The following WBP2 variants were observed in gnomAD, a reference collection of about 807,000 sequenced individuals.
WBP2 encodes the protein WW domain binding protein 2.
A neutral mutation model predicts 33.0 loss-of-function variants in WBP2; 23 were observed. The observed-to-expected ratio is 0.70, with a 90% confidence interval of 0.50 to 0.99. The LOEUF is 0.99. Ranked by LOEUF, WBP2 falls within the 50% of genes least tolerant of loss-of-function variation. The probability of loss-of-function intolerance (pLI) is 0.00; values close to 1 mark genes in which losing one functional copy is unlikely to be tolerated. For synonymous variants in WBP2, 153 were observed against 133.5 expected (o/e 1.15, Z -1.01); for missense variants, 353 against 358.0 (o/e 0.99, Z 0.11).
chr17:75,847,869 A>G lies in WBP2; in HGVS notation c.459T>C (p.Tyr153=), dbSNP rs1244792154. The part of the protein sequence containing the change: ...YGYSYMPSGA[Y]VYPPPVANGM... ...CATTGGCGACTGGCGGGGGATAGAC[A>G]TAGGCCCCGCTGGGCATGTAAGAGT... The change falls in exon 5 of 8, where the codon TAT becomes TAC. Residue 153 remains tyrosine, a synonymous_variant. Transcript: ENST00000254806. 1 of 1,556,226 alleles carries G rather than the reference A, an allele frequency of 6.4e-7. No individual in the cohort carries two copies.
chr17:75,847,823 C>T lies in WBP2; in HGVS notation c.505G>A (p.Gly169Ser). The T allele has an allele frequency of 2.6e-6, 4 of 1,557,802 alleles. No homozygotes were observed. Among genetic ancestry groups the T allele is most frequent in the Non-Finnish European group, 3.5e-6 (4 of 1,150,456 alleles). Reference sequence around the variant, plus strand: ...GGTGGGGGCGGTGGATAGGGGTAGCCAGGAGGGCAGGGGTACATTCCATTG... The same window carrying T: ...GGTGGGGGCGGTGGATAGGGGTAGCTAGGAGGGCAGGGGTACATTCCATTG... ...VANGMYPCPP[G>S]YPYPPPPPEF... Residue 169 changes from glycine to serine, a missense_variant, in exon 5 of 8, where the codon GGC becomes AGC. By Grantham distance (56) the Gly-to-Ser change is moderately conservative. Transcript: ENST00000254806.
At chr17:75,854,947 G>A (rs1023655200) in intron 1 of WBP2, among the ~76,000 whole-genome samples, 1 of 152,120 alleles carries the variant, frequency 6.6e-6, no homozygotes, top group Non-Finnish European at 1.5e-5. Context: ...CCCAGCTACT[G>A]AAATCACAAG....
At chr17:75,853,084 G>C (rs937650632) in intron 1 of WBP2, among the ~76,000 whole-genome samples, 2 of 151,844 alleles carry the variant, frequency 1.3e-5, no homozygotes, top group African/African-American at 4.8e-5. Flanking sequence ...CACTCTTGTT[G>C]CCCAGGCTGC....
chr17:75,847,232 G>C (rs1488750920), intron 6 of WBP2: 3 of 684,844 alleles, frequency 4.4e-6, no homozygotes, highest in Non-Finnish European at 7.4e-6. Flanking sequence ...GACCAGCTGA[G>C]TGTAGATGAG....
Position 75,847,935 on chromosome 17 carries a change from G to C in WBP2, c.398-5C>G, listed in dbSNP as rs1200460727. On this transcript the variant is annotated splice_region_variant and splice_polypyrimidine_tract_variant and intron_variant, in intron 4 of 7. Coordinates refer to ENST00000254806, the MANE Select transcript of WBP2 (RefSeq NM_012478.4). ...TGGGGACTTCACCTCTGGAGGCTAC[G>C]AGTACAAGGGGAAAGAGAAATGAGC... is the stretch of plus-strand genomic sequence containing the variant. 6.4e-7 allele frequency: 1 copy of C among 1,563,506 alleles called. No homozygotes were observed. The highest frequency in any genetic ancestry group is 2.4e-5 in the East Asian group (1 of 41,516).
chr17:75,848,269 C>T lies in WBP2; in HGVS notation c.397+301G>A, dbSNP rs754484151. 27 of 580,758 alleles carry T rather than the reference C, an allele frequency of 4.6e-5. 1 individual carries two copies. In the Middle Eastern group the frequency reaches 2.7e-3, roughly 58 times the overall value. 36.0% of individuals were successfully genotyped at this position (580,758 alleles called of 1,614,324 possible). A position where few individuals can be genotyped will look rare whatever the true frequency, so the allele number is the denominator to read the frequency against. ...CGGTCATTTTCAATGGCTGCGGAAC[C>T]GCAGTCGAATGGTTGGTTTAGTGTT... On this transcript the variant is annotated intron_variant, in intron 4 of 7. Transcript: ENST00000254806.
Position 75,846,577 on chromosome 17 carries a change from G to A in WBP2, c.*157C>T. 1 of 984,440 alleles carries A rather than the reference G, an allele frequency of 1.0e-6. No homozygotes were observed. Among genetic ancestry groups the A allele is most frequent in the Non-Finnish European group, 1.6e-6 (1 of 640,594 alleles). The allele number at this position is 984,440 out of a possible 1,614,324, so 61.0% of individuals were successfully genotyped here. ...TGGGCGGCACCTCTCCCGAGGCCGG[G>A]GGCCCTAATGTCCCACAATGCTAGT... On this transcript the variant is annotated 3_prime_UTR_variant, in exon 8 of 8. Coordinates refer to ENST00000254806, the MANE Select transcript of WBP2 (RefSeq NM_012478.4). The surrounding 1 kb of genome is among the most constrained non-coding windows in gnomAD (Gnocchi z 4.8).
intron 1 of WBP2, 196 bp from the exon 2 acceptor site, chr17:75,851,872 C>A (rs1023145162): frequency 6.4e-5 from 26 of 404,862 alleles, no homozygotes; most frequent in Non-Finnish European, 1.1e-4. Flanking sequence ...GAGGCCGAGG[C>A]GAGCGGATGA....
At chr17:75,853,213 AT>A (rs903312538) in intron 1 of WBP2, among the ~76,000 whole-genome samples, 23 of 144,364 alleles carry the variant, frequency 1.6e-4, no homozygotes, top group African/African-American at 6.1e-4. Flanking sequence ...CGCCTGGCTA[AT>A]TTTTTGTGTT....
Position 75,849,464 on chromosome 17 carries a change from C to T in WBP2, c.304+140G>A, listed in dbSNP as rs577251695. The stretch of plus-strand genomic sequence containing the variant: ...CCACCTCTTGGCAATCAAACCCCAC[C>T]AGCTGGCAGCCCAGAGCTGGGAAGA... On this transcript the variant is annotated intron_variant, in intron 3 of 7. Coordinates refer to ENST00000254806, the MANE Select transcript of WBP2 (RefSeq NM_012478.4). The T allele has an allele frequency of 3.7e-6, 4 of 1,090,312 alleles. No homozygotes were observed. In the East Asian group the frequency reaches 7.3e-5, roughly 20 times the overall value. The allele number at this position is 1,090,312 out of a possible 1,614,324, so 67.5% of individuals were successfully genotyped here.
chr17:75,846,647 C>G lies in WBP2; in HGVS notation c.*87G>C, dbSNP rs968920843. On this transcript the variant is annotated 3_prime_UTR_variant, in exon 8 of 8. Transcript: ENST00000254806. The surrounding 1 kb of genome is among the most constrained non-coding windows in gnomAD (Gnocchi z 4.8). The stretch of plus-strand genomic sequence containing the variant: ...TCAGACCTGGAGGGAGAACAAGGCG[C>G]CCCCTCCCCTCCCCAAGCCCCAGCA... 1 of 1,429,858 alleles carries G rather than the reference C, an allele frequency of 7.0e-7. No individual in the cohort carries two copies. The highest frequency in any genetic ancestry group is 9.6e-7 in the Non-Finnish European group (1 of 1,046,254). 88.6% of individuals were successfully genotyped at this position (1,429,858 alleles called of 1,614,324 possible).
intron 1 of WBP2, among the ~76,000 whole-genome samples, chr17:75,854,248 G>A (rs2065044772): frequency 6.6e-6 from 1 of 152,044 alleles, no homozygotes; most frequent in Non-Finnish European, 1.5e-5. Flanking sequence ...CCTTAGCTGG[G>A]TACAGGGCTC....
chr17:75,854,656 G>A (rs1442426774), intron 1 of WBP2, among the ~76,000 whole-genome samples: 1 of 152,146 alleles, frequency 6.6e-6, no homozygotes, highest in African/African-American at 2.4e-5. Flanking sequence ...AACCTGAACA[G>A]TTCTGGAACA....
At chr17:75,848,013 C>T (rs1174989049) in intron 4 of WBP2, 83 bp from the exon 5 acceptor site, 13 of 1,516,476 alleles carry the variant, frequency 8.6e-6, no homozygotes, top group Non-Finnish European at 1.2e-5. Context: ...CAGATGGGAG[C>T]TACTGGGTCT....
chr17:75,847,803 G>T lies in WBP2; in HGVS notation c.525C>A (p.Pro175=). The T allele has an allele frequency of 6.4e-7, 1 of 1,557,280 alleles. No homozygotes were observed. Among genetic ancestry groups the T allele is most frequent in the Non-Finnish European group, 8.7e-7 (1 of 1,149,840 alleles). The part of the protein sequence containing the change: ...PCPPGYPYPP[P]PPEFYPGPPM... ...AGCAAAGGACACACTCACCAGGTGGGGGCGGTGGATAGGGGTAGCCAGGAG... is the reference window on the plus strand; with the variant it reads ...AGCAAAGGACACACTCACCAGGTGGTGGCGGTGGATAGGGGTAGCCAGGAG... Residue 175 remains proline (P), a synonymous_variant, in exon 5 of 8, where the codon CCC becomes CCA. Transcript: ENST00000254806.
At chr17:75,847,033 GAGCTC>G (rs1405982831) in intron 6 of WBP2, 49 bp from the exon 7 acceptor site, 4 of 1,609,740 alleles carry the variant, frequency 2.5e-6, no homozygotes, top group Admixed American at 3.3e-5. Flanking sequence ...TCCTCCCCCT[GAGCTC>G]AGCTAAGAGA....
At chr17:75,851,309 A>G (rs1455690406) in intron 2 of WBP2, 2 of 360,216 alleles carry the variant, frequency 5.6e-6, no homozygotes, top group African/African-American at 4.1e-5. Context: ...GGCTGCATCC[A>G]ACTCTATAGA....
At chr17:75,852,892 C>T (rs1301385512) in intron 1 of WBP2, 6 of 760,864 alleles carry the variant, frequency 7.9e-6, no homozygotes, top group Non-Finnish European at 9.6e-6. Flanking sequence ...TCTTTTAAAC[C>T]TGGGTTCTTA....
At chr17:75,848,270 G>A (rs1408666899) in intron 4 of WBP2, 11 of 579,924 alleles carry the variant, frequency 1.9e-5, no homozygotes, top group Middle Eastern at 4.6e-4. Flanking sequence ...CTGCGGAACC[G>A]CAGTCGAATG....
Sources: gnomAD v4.1 joint callset for allele counts (sites outside exome capture counted in the v4.1 genomes callset) on GRCh38, gnomAD v4.1.1 for gene constraint, Gnocchi (gnomAD v3.1) non-coding constraint, MANE v1.5 for transcripts, NCBI Gene and HGNC (gene_info 2026-07-23, HGNC 2026-07-21) for gene names.